The following DCC variants were observed in gnomAD, a reference collection of about 807,000 sequenced individuals.
DCC encodes the protein DCC netrin 1 receptor.
In DCC, 58 loss-of-function variants were observed where a neutral mutation model predicts 172.5. The ratio of observed to expected loss-of-function variants is 0.34; its 90% CI spans 0.27 to 0.42. The LOEUF is 0.42. Ranked by LOEUF, DCC falls within the 10% of genes least tolerant of loss-of-function variation. The probability of loss-of-function intolerance (pLI) is 1.00; values close to 1 mark genes in which losing one functional copy is unlikely to be tolerated. For synonymous variants in DCC, 709 were observed against 644.5 expected (o/e 1.10, Z -1.52); for missense variants, 1,740 against 1,791.0 (o/e 0.97, Z 0.51).
At chr18:52,993,645 A>G (rs913935095) in intron 5 of DCC, among the ~76,000 whole-genome samples, 5 of 152,114 alleles carry the variant, frequency 3.3e-5, no homozygotes, top group African/African-American at 4.8e-5. Context: ...AGACAAAAAG[A>G]TGAATTAGGT....
At chr18:52,461,214 C>T (rs1444077584) in intron 1 of DCC, among the ~76,000 whole-genome samples, 2 of 152,124 alleles carry the variant, frequency 1.3e-5, no homozygotes, top group African/African-American at 4.8e-5. Flanking sequence ...TAGGCCTACG[C>T]AGGGTCAGGG....
chr18:53,086,645 T>C (rs113331484), intron 7 of DCC, among the ~76,000 whole-genome samples: 1 of 87,462 alleles, frequency 1.1e-5, no homozygotes, highest in Non-Finnish European at 2.2e-5. Context: ...TACATGTGCA[T>C]AATGTGCAGG....
At chr18:53,406,409 A>AAAAAAG (rs78836476) in intron 19 of DCC, among the ~76,000 whole-genome samples, 37,145 of 150,092 alleles carry the variant, frequency 0.25, 5,087 homozygotes, top group East Asian at 0.41. Context: ...AGGTTTAAAA[A>AAAAAAG]AAAAAGAGAA....
intron 13 of DCC, among the ~76,000 whole-genome samples, chr18:53,319,162 C>A (rs976264817): frequency 6.6e-6 from 1 of 152,068 alleles, no homozygotes; most frequent in African/African-American, 2.4e-5. Context: ...AAAAACATAC[C>A]GAATTGTAAA....
At chr18:52,360,843 A>G (rs2144269063) in intron 1 of DCC, among the ~76,000 whole-genome samples, 1 of 152,350 alleles carries the variant, frequency 6.6e-6, no homozygotes, top group African/African-American at 2.4e-5. Flanking sequence ...ATTGTTTTGC[A>G]ACTACAGAAA....
At chr18:53,107,482 GCT>G (rs2043266229) in intron 7 of DCC, among the ~76,000 whole-genome samples, 1 of 144,278 alleles carries the variant, frequency 6.9e-6, no homozygotes, top group African/African-American at 2.6e-5. Context: ...TGTGTCTGAT[GCT>G]CTCTTACGTT....
intron 5 of DCC, among the ~76,000 whole-genome samples, chr18:52,980,592 AATT>A (rs1319672183): frequency 1.3e-5 from 2 of 152,082 alleles, no homozygotes; most frequent in African/African-American, 4.8e-5. Flanking sequence ...TTTTAGCAAT[AATT>A]CTAATAAAAT....
At chr18:52,547,172 C>G (rs2144715702) in intron 1 of DCC, among the ~76,000 whole-genome samples, 1 of 152,292 alleles carries the variant, frequency 6.6e-6, no homozygotes, top group Non-Finnish European at 1.5e-5. Flanking sequence ...CAAGTCTTAT[C>G]CAAGACATCC....
At chr18:53,299,837 T>C (rs2057111894) in intron 12 of DCC, among the ~76,000 whole-genome samples, 1 of 152,200 alleles carries the variant, frequency 6.6e-6, no homozygotes, top group African/African-American at 2.4e-5. Flanking sequence ...GATACATGTC[T>C]ATTTTATTTA....
chr18:52,770,094 T>C (rs1023715096), intron 2 of DCC, among the ~76,000 whole-genome samples: 10 of 152,214 alleles, frequency 6.6e-5, no homozygotes, highest in Non-Finnish European at 1.5e-4. Flanking sequence ...TAGGATCAAA[T>C]ATAAACCTTT....
intron 1 of DCC, among the ~76,000 whole-genome samples, chr18:52,380,154 A>T (rs567595846): frequency 6.6e-6 from 1 of 152,164 alleles, no homozygotes; most frequent in African/African-American, 2.4e-5. Flanking sequence ...TCCATTCATG[A>T]TGGAGGATCC....
chr18:52,687,486 T>A (rs958273195), intron 1 of DCC, among the ~76,000 whole-genome samples: 3 of 152,042 alleles, frequency 2.0e-5, no homozygotes, highest in Admixed American at 1.3e-4. Flanking sequence ...GGTTTCACCA[T>A]GTTGGCCAGG....
chr18:52,548,675 G>A (rs932082174), intron 1 of DCC, among the ~76,000 whole-genome samples: 12 of 152,226 alleles, frequency 7.9e-5, no homozygotes, highest in Non-Finnish European at 1.5e-4. Context: ...AGGCATCAGC[G>A]AAATCTCCCA....
intron 5 of DCC, among the ~76,000 whole-genome samples, chr18:52,983,711 G>C (rs2041248530): frequency 6.6e-6 from 1 of 152,082 alleles, no homozygotes; most frequent in South Asian, 2.1e-4. Context: ...ATCTGTAGCT[G>C]GTTTTATTAA....
chr18:52,928,096 A>G (rs1231121395), intron 5 of DCC, among the ~76,000 whole-genome samples: 5 of 152,112 alleles, frequency 3.3e-5, no homozygotes, highest in African/African-American at 7.2e-5. Flanking sequence ...GATAAATAAC[A>G]AGATCATGGC....
intron 1 of DCC, among the ~76,000 whole-genome samples, chr18:52,544,238 C>A (rs752515670): frequency 1.3e-5 from 2 of 152,150 alleles, no homozygotes; most frequent in Admixed American, 1.3e-4. Context: ...TCCGTTTGAA[C>A]CATCTGAGGA....
intron 1 of DCC, among the ~76,000 whole-genome samples, chr18:52,445,124 G>A (rs117497635): frequency 0.011 from 1,676 of 152,264 alleles, 58 homozygotes; most frequent in Admixed American, 0.065. Flanking sequence ...AATAAAAGGA[G>A]AGGGAAGAAA....
chr18:53,173,082 T>C (rs140850402), intron 8 of DCC, among the ~76,000 whole-genome samples: 2 of 152,308 alleles, frequency 1.3e-5, no homozygotes, highest in African/African-American at 4.8e-5. Context: ...CTTTGAGCTA[T>C]ATACAACAAG....
At chr18:53,167,412 T>C (rs1184370812) in intron 8 of DCC, among the ~76,000 whole-genome samples, 3 of 152,168 alleles carry the variant, frequency 2.0e-5, no homozygotes, top group African/African-American at 4.8e-5. Context: ...GTGAGGTTTC[T>C]TTAAGTAGAT....
Sources: gnomAD v4.1 joint callset for allele counts (sites outside exome capture counted in the v4.1 genomes callset) on GRCh38, gnomAD v4.1.1 for gene constraint, MANE v1.5 for transcripts, NCBI Gene and HGNC (gene_info 2026-07-23, HGNC 2026-07-21) for gene names.